Variants in PKD2L1 observed in about 807,000 individuals in gnomAD.
PKD2L1 encodes the protein polycystin 2 like 1, transient receptor potential cation channel.
PKD2L1 carries 77 observed loss-of-function variants against 93.0 expected under a neutral mutation model. That is an observed-to-expected ratio of 0.83 (90% CI 0.69 to 1.00). PKD2L1 has a LOEUF of 1.00. PKD2L1 is among the 50% of genes least tolerant of loss of function. The pLI is 0.00. For synonymous variants in PKD2L1, 390 were observed against 388.0 expected (o/e 1.01, Z -0.06); for missense variants, 977 against 990.9 (o/e 0.99, Z 0.19).
rs150975223 is a variant in PKD2L1, at chr10:100,330,003, G to A, written c.101C>T (p.Thr34Met). The change falls in exon 1 of 16, where the codon ACG becomes ATG. Residue 34 changes from threonine to methionine, a missense_variant. By Grantham distance (81) the Thr-to-Met change is moderately conservative (BLOSUM62 -1). Coordinates refer to ENST00000318222, the MANE Select transcript of PKD2L1 (RefSeq NM_016112.3). ...AYSGPPSPHG[T>M]LRVCTISSTG... ...GCTGGAGATGGTGCAGACTCTCAGC[G>A]TCCCGTGTGGGGAAGGGGGACCACT... is the stretch of plus-strand genomic sequence containing the variant. The A allele has an allele frequency of 9.3e-6, 15 of 1,613,692 alleles. No homozygotes were observed. Among genetic ancestry groups the A allele is most frequent in the African/African-American group, 4.0e-5 (3 of 74,902 alleles).
Position 100,298,654 on chromosome 10 carries a change from A to G in PKD2L1, c.639T>C (p.His213=), listed in dbSNP as rs1442718825. ...LKVRNDSCVV[H]EDFREDILSC... Reference sequence around the variant, plus strand: ...TCAGAATGTCCTCCCGGAAGTCTTCATGCACCACACAGGAGTCATTGCGGA... The same window carrying G: ...TCAGAATGTCCTCCCGGAAGTCTTCGTGCACCACACAGGAGTCATTGCGGA... Residue 213 remains histidine (H), a synonymous_variant, in exon 4 of 16, where the codon CAT becomes CAC. Transcript: ENST00000318222. 6.2e-7 allele frequency: 1 copy of G among 1,614,164 alleles called. No homozygotes were observed. Among genetic ancestry groups the G allele is most frequent in the East Asian group, 2.2e-5 (1 of 44,882 alleles).
At chr10:100,288,943 T>C (rs74154621) in intron 15 of PKD2L1, 29 bp downstream of exon 15, 68,719 of 1,461,294 alleles carry the variant, frequency 0.047, 7,003 homozygotes, top group African/African-American at 0.4. Context: ...GGAAGCCTGC[T>C]GTCTGATGCT....
chr10:100,298,694 A>C lies in PKD2L1; in HGVS notation c.599T>G (p.Leu200Arg), dbSNP rs1848607323. The C allele has an allele frequency of 6.2e-7, 1 of 1,614,132 alleles. No homozygotes were observed. Reference sequence around the variant, plus strand: ...GTCATTGCGGACCTTTAGCTGCCGCAGCCTCGGAACCCCCAGCAGCATGTT... The same window carrying C: ...GTCATTGCGGACCTTTAGCTGCCGCCGCCTCGGAACCCCCAGCAGCATGTT... ...YENMLLGVPR[L>R]RQLKVRNDSC... The change falls in exon 4 of 16, where the codon CTG (leucine) becomes CGG (arginine). Residue 200 changes from leucine (L) to arginine (R), a missense_variant. Transcript: ENST00000318222.
rs374088916 is a variant in PKD2L1 at position 100,293,283 on chromosome 10, G to C, written c.1756C>G (p.Gln586Glu). 1 of 1,606,208 alleles carries C rather than the reference G, an allele frequency of 6.2e-7. No homozygotes were observed. The highest frequency in any genetic ancestry group is 1.3e-5 in the African/African-American group (1 of 74,802). ...DELQLSDLLKQGYNKTLLRLR... is the reference protein window; with the variant it reads ...DELQLSDLLKEGYNKTLLRLR... ...GCTCAAGGAGATTGAGCAATCACCT[G>C]TTTCAGGAGGTCAGAAAGTTGCAGC... Residue 586 changes from glutamine (Q) to glutamate (E), a missense_variant and splice_region_variant, in exon 10 of 16, where the codon CAG (glutamine) becomes GAG (glutamate). By Grantham distance (29) the Gln-to-Glu change is conservative. Transcript: ENST00000318222.
chr10:100,309,302 A>T (rs764166760), intron 2 of PKD2L1, among the ~76,000 whole-genome samples: 1 of 152,232 alleles, frequency 6.6e-6, no homozygotes, highest in Non-Finnish European at 1.5e-5. Flanking sequence ...CTGACTTTTT[A>T]AAAACCAGTG....
In PKD2L1 at chr10:100,330,184, T is replaced by C; in HGVS notation, c.-81A>G. 1.2e-6 allele frequency: 1 copy of C among 865,090 alleles called. No individual in the cohort carries two copies. Among genetic ancestry groups the C allele is most frequent in the South Asian group, 1.7e-5 (1 of 57,892 alleles). The allele number at this position is 865,090 out of a possible 1,614,324, so 53.6% of individuals were successfully genotyped here. On this transcript the variant is annotated 5_prime_UTR_variant, in exon 1 of 16. Coordinates refer to ENST00000318222, the MANE Select transcript of PKD2L1 (RefSeq NM_016112.3). ...GAGGGAGCAGAGGCACAGCCCAGCCTAGCCAGCAGAGAGCAAATGGAAAGG... is the reference window on the plus strand; with the variant it reads ...GAGGGAGCAGAGGCACAGCCCAGCCCAGCCAGCAGAGAGCAAATGGAAAGG...
chr10:100,289,037 T>A lies in PKD2L1; in HGVS notation c.2270A>T (p.Lys757Met). ...SPGVKEQAIWKHPQPAPAVTP... is the reference protein window; with the variant it reads ...SPGVKEQAIWMHPQPAPAVTP... ...CACAGCTGGGGCTGGCTGCGGGTGC[T>A]TCCAAATAGCTTGTTCCTTCTGTTG... Residue 757 changes from lysine (K) to methionine (M), a missense_variant, in exon 15 of 16, where the codon AAG becomes ATG. Transcript: ENST00000318222. 6.2e-7 allele frequency: 1 copy of A among 1,612,872 alleles called. No homozygotes were observed. The highest frequency in any genetic ancestry group is 8.5e-7 in the Non-Finnish European group (1 of 1,179,096).
chr10:100,309,566 A>T (rs532842790), intron 2 of PKD2L1, among the ~76,000 whole-genome samples: 1 of 152,248 alleles, frequency 6.6e-6, no homozygotes, highest in Non-Finnish European at 1.5e-5. Flanking sequence ...CATCTCACAT[A>T]TGTTGGCAGA....
Position 100,298,944 on chromosome 10 carries a change from A to G in PKD2L1, c.478-129T>C, listed in dbSNP as rs765442507. On this transcript the variant is annotated intron_variant, in intron 3 of 15. Coordinates refer to ENST00000318222, the MANE Select transcript of PKD2L1 (RefSeq NM_016112.3). ...TGCTTTTTAAAAAATTATTGTTATT[A>G]TTATTATTATTATTATTTTAAGGGA... is the stretch of plus-strand genomic sequence containing the variant. 1,014 of 447,402 alleles carry G rather than the reference A, an allele frequency of 2.3e-3. 12 individuals carry two copies. The highest frequency in any genetic ancestry group is 0.018 in the Middle Eastern group (28 of 1,582). The allele number at this position is 447,402 out of a possible 1,614,324, so 27.7% of individuals were successfully genotyped here. A position where few individuals can be genotyped will look rare whatever the true frequency, so the allele number is the denominator to read the frequency against.
At chr10:100,303,397 T>C (rs537123709) in intron 2 of PKD2L1, among the ~76,000 whole-genome samples, 1 of 152,236 alleles carries the variant, frequency 6.6e-6, no homozygotes, top group East Asian at 1.9e-4. Context: ...TTCTCCATAT[T>C]GGTCTCGAAC....
chr10:100,324,345 A>G (rs562930551), intron 2 of PKD2L1, among the ~76,000 whole-genome samples: 2 of 152,186 alleles, frequency 1.3e-5, no homozygotes, highest in Non-Finnish European at 2.9e-5. Context: ...GGTATTGTAC[A>G]TTGTGTGGGT....
intron 15 of PKD2L1, 51 bp from the exon 16 acceptor site, chr10:100,288,529 G>T (rs1445326782): frequency 9.3e-7 from 1 of 1,075,060 alleles, no homozygotes; most frequent in Non-Finnish European, 1.5e-6. Context: ...ATCTTGGGAT[G>T]CACAAAGGAT....
intron 2 of PKD2L1, 84 bp downstream of exon 2, chr10:100,329,127 G>A (rs906786814): frequency 7.5e-7 from 1 of 1,330,854 alleles, no homozygotes; most frequent in Non-Finnish European, 1.1e-6. Context: ...CTCCACAGAT[G>A]TTGCCCACAG....
At chr10:100,329,458 A>G in intron 1 of PKD2L1, 134 bp from the exon 2 acceptor site, 1 of 1,261,482 alleles carries the variant, frequency 7.9e-7, no homozygotes, top group Admixed American at 2.1e-5. Flanking sequence ...TCCTTGGCTG[A>G]ATCTGGCTAC....
At chr10:100,293,966 G>T (rs931914461) in intron 9 of PKD2L1, among the ~76,000 whole-genome samples, 2 of 152,122 alleles carry the variant, frequency 1.3e-5, no homozygotes, top group African/African-American at 4.8e-5. Flanking sequence ...AATTAGCGGG[G>T]TGTGGTGGCT....
rs1848828137 is a variant in PKD2L1 at position 100,307,383 on chromosome 10, G to T, written c.350-7665C>A. The stretch of plus-strand genomic sequence containing the variant: ...TCCCAAGAGATACATGTTACAGAGG[G>T]TGGCCAAGTCCAGTGGGTCATCCCA... On this transcript the variant is annotated intron_variant, in intron 2 of 15. Coordinates refer to ENST00000318222, the MANE Select transcript of PKD2L1 (RefSeq NM_016112.3). 3.3e-5 allele frequency among the ~76,000 whole-genome samples: 5 copies of T among 152,314 alleles called. No individual in the cohort carries two copies. The South Asian group carries it at 1.0e-3, about 32-fold the overall frequency.
chr10:100,291,493 C>T, intron 11 of PKD2L1, 66 bp from the exon 12 acceptor site: 3 of 1,557,446 alleles, frequency 1.9e-6, no homozygotes, highest in Non-Finnish European at 2.6e-6. Context: ...TATGGACTTC[C>T]TCACTCTTTT....
intron 2 of PKD2L1, among the ~76,000 whole-genome samples, chr10:100,324,314 T>C (rs566193241): frequency 1.3e-5 from 2 of 152,356 alleles, no homozygotes; most frequent in East Asian, 1.9e-4. Context: ...AAGTCCACAG[T>C]GTACCTTAGG....
rs369368828 is a variant in PKD2L1, at chr10:100,329,084, C to T, written c.349+127G>A. 110 of 775,738 alleles carry T rather than the reference C, an allele frequency of 1.4e-4. No homozygotes were observed. The African/African-American group carries it at 1.5e-3, about 11-fold the overall frequency. The allele number at this position is 775,738 out of a possible 1,614,324, so 48.1% of individuals were successfully genotyped here. A position where few individuals can be genotyped will look rare whatever the true frequency, so the allele number is the denominator to read the frequency against. On this transcript the variant is annotated intron_variant, in intron 2 of 15. Transcript: ENST00000318222. ...TTGGAATATTGTTATCTAAAGTTCCCGGATATAGCCTGCTTACACAGATAG... is the reference window on the plus strand; with the variant it reads ...TTGGAATATTGTTATCTAAAGTTCCTGGATATAGCCTGCTTACACAGATAG...
Sources: gnomAD v4.1 joint callset for allele counts (sites outside exome capture counted in the v4.1 genomes callset) on GRCh38, gnomAD v4.1.1 for gene constraint, MANE v1.5 for transcripts, NCBI Gene and HGNC (gene_info 2026-07-23, HGNC 2026-07-21) for gene names.